The following TAF2 variants were observed in gnomAD, a reference collection of about 807,000 sequenced individuals.
The protein encoded by TAF2 is transcription initiation factor TFIID subunit 2.
In TAF2, 61 loss-of-function variants were observed where a neutral mutation model predicts 138.5. That is an observed-to-expected ratio of 0.44 (90% CI 0.36 to 0.54). The LOEUF is 0.54. Ranked by LOEUF, TAF2 falls within the 20% of genes least tolerant of loss-of-function variation. The pLI is 0.00. For synonymous variants in TAF2, 475 were observed against 469.9 expected (o/e 1.01, Z -0.14); for missense variants, 1,090 against 1,427.9 (o/e 0.76, Z 3.81).
At chr8:119,765,807 G>A (rs534841231) in intron 18 of TAF2, among the ~76,000 whole-genome samples, 2 of 152,120 alleles carry the variant, frequency 1.3e-5, no homozygotes, top group Non-Finnish European at 2.9e-5. Context: ...CATAACTGTC[G>A]GGATTCCTCT....
At chr8:119,758,786 A>G (rs1820867594) in intron 20 of TAF2, among the ~76,000 whole-genome samples, 1 of 152,148 alleles carries the variant, frequency 6.6e-6, no homozygotes, top group South Asian at 2.1e-4. Context: ...TTCTAACTTG[A>G]GTACCAGTAT....
chr8:119,809,789 T>C (rs1330562018), intron 3 of TAF2, among the ~76,000 whole-genome samples: 2 of 152,198 alleles, frequency 1.3e-5, no homozygotes, highest in African/African-American at 2.4e-5. Context: ...CTTATATGCA[T>C]GCCATCTGTG....
At position 119,832,744 on chromosome 8, in the gene TAF2, G is replaced by C. The variant is rs1826548157; in HGVS notation, c.-180C>G. ...CGCCTCAACCTCGCTCCTTCGACTA[G>C]CTCCTAGAAGCCGCCGTCGACAAGC... On this transcript the variant is annotated 5_prime_UTR_variant, in exon 1 of 26. Coordinates refer to ENST00000378164, the MANE Select transcript of TAF2 (RefSeq NM_003184.4). The C allele has an allele frequency of 1.3e-5, 7 of 520,088 alleles. No individual in the cohort carries two copies. In the South Asian group the frequency reaches 2.1e-4, roughly 15 times the overall value. The allele number at this position is 520,088 out of a possible 1,614,324, so 32.2% of individuals were successfully genotyped here.
intron 6 of TAF2, among the ~76,000 whole-genome samples, chr8:119,799,528 C>T (rs563491752): frequency 6.6e-6 from 1 of 152,268 alleles, no homozygotes; most frequent in Admixed American, 6.5e-5. Flanking sequence ...TGCATATGTG[C>T]CACATTTTCT....
rs115158592 is a variant in TAF2 at position 119,815,743 on chromosome 8, A to G, written c.299+3603T>C. On this transcript the variant is annotated intron_variant, in intron 3 of 25. Coordinates refer to ENST00000378164, the MANE Select transcript of TAF2 (RefSeq NM_003184.4). ...GAAGTACAGCAAAAACAAAAACACC[A>G]AAGTGTAGCTCCTGTGGAGACAATC... Among the ~76,000 whole-genome samples, 1,378 of 152,332 alleles carry G rather than the reference A, an allele frequency of 9.0e-3. 20 individuals carry two copies. Among genetic ancestry groups the G allele is most frequent in the African/African-American group, 0.032 (1,314 of 41,578 alleles).
Position 119,791,419 on chromosome 8 carries a change from T to C in TAF2, c.1318A>G (p.Thr440Ala), listed in dbSNP as rs1226030601. 1.9e-6 allele frequency: 3 copies of C among 1,613,804 alleles called. No individual in the cohort carries two copies. Among genetic ancestry groups the C allele is most frequent in the Non-Finnish European group, 1.7e-6 (2 of 1,179,838 alleles). The change falls in exon 11 of 26, where the codon ACA (threonine) becomes GCA (alanine). Residue 440 changes from threonine to alanine, a missense_variant. Physicochemically the swap from Thr to Ala is moderately conservative, Grantham distance 58. Coordinates refer to ENST00000378164, the MANE Select transcript of TAF2 (RefSeq NM_003184.4). ...HLHFSIKHPH[T>A]LSWEYYSMFQ... ...ATACTGTAGTATTCCCAGGACAGTG[T>C]ATGTGGATGCTTTATTGAAAAGTGT... is the stretch of plus-strand genomic sequence containing the variant.
At position 119,762,534 on chromosome 8, in the gene TAF2, A is replaced by G. The variant is rs769397888; in HGVS notation, c.2439T>C (p.Asn813=). 6.2e-6 allele frequency: 10 copies of G among 1,613,926 alleles called. No homozygotes were observed. Among genetic ancestry groups the G allele is most frequent in the Non-Finnish European group, 7.6e-6 (9 of 1,179,924 alleles). ...ANSVTPAVSV[N]NEVRTLDNLN... ...AGTTATCCAAAGTTCTAACTTCATT[A>G]TTCACACTGACTGCAGGTGTAACAG... is the stretch of plus-strand genomic sequence containing the variant. The change falls in exon 19 of 26, where the codon AAT becomes AAC. Residue 813 remains asparagine (N), a synonymous_variant. Coordinates refer to ENST00000378164, the MANE Select transcript of TAF2 (RefSeq NM_003184.4).
chr8:119,789,015 T>A, intron 12 of TAF2, 111 bp from the exon 13 acceptor site: 2 of 753,230 alleles, frequency 2.7e-6, no homozygotes, highest in South Asian at 1.5e-5. Context: ...CAGTTCAAAG[T>A]TTGAGAGCAT....
chr8:119,832,239 T>C (rs1011176674), intron 1 of TAF2, among the ~76,000 whole-genome samples: 1 of 151,528 alleles, frequency 6.6e-6, no homozygotes, highest in Non-Finnish European at 1.5e-5. Context: ...CGAAAACAGA[T>C]TTGACAGAAA....
Position 119,804,732 on chromosome 8 carries a change from C to T in TAF2, c.419-713G>A, listed in dbSNP as rs548179523. Reference sequence around the variant, plus strand: ...TATGTCTTTATCAGCAGCATGAAAACGGACTAATACACTTACTTTTCAAGT... The same window carrying T: ...TATGTCTTTATCAGCAGCATGAAAATGGACTAATACACTTACTTTTCAAGT... On this transcript the variant is annotated intron_variant, in intron 4 of 25. Transcript: ENST00000378164. Among the ~76,000 whole-genome samples, 8 of 152,244 alleles carry T rather than the reference C, an allele frequency of 5.3e-5. No homozygotes were observed. The South Asian group carries it at 6.2e-4, about 12-fold the overall frequency.
At chr8:119,739,622 C>A (rs907068701) in intron 25 of TAF2, among the ~76,000 whole-genome samples, 1 of 151,622 alleles carries the variant, frequency 6.6e-6, no homozygotes, top group Non-Finnish European at 1.5e-5. Context: ...CATTCCAGTT[C>A]TCAATTATCA....
At chr8:119,792,122 T>C (rs904452044) in intron 10 of TAF2, among the ~76,000 whole-genome samples, 1 of 151,604 alleles carries the variant, frequency 6.6e-6, no homozygotes, top group Non-Finnish European at 1.5e-5. Flanking sequence ...TTCTGTATGA[T>C]AAATGCCTAG....
intron 18 of TAF2, among the ~76,000 whole-genome samples, chr8:119,776,022 T>A (rs183038903): frequency 1.2e-3 from 175 of 151,718 alleles, no homozygotes; most frequent in Middle Eastern, 6.8e-3. Flanking sequence ...AAAAAGCACA[T>A]GCTTCCTAAA....
At chr8:119,828,065 A>G (rs921055882) in intron 2 of TAF2, among the ~76,000 whole-genome samples, 23 of 152,010 alleles carry the variant, frequency 1.5e-4, no homozygotes, top group Non-Finnish European at 1.5e-5. Flanking sequence ...TTTAGTAGAG[A>G]CAGGGTTTCA....
intron 23 of TAF2, among the ~76,000 whole-genome samples, chr8:119,745,795 A>ATGTGTGTGTGTG (rs58444614): frequency 7.7e-5 from 11 of 143,468 alleles, no homozygotes; most frequent in African/African-American, 1.3e-4. Flanking sequence ...AGGCAAACGA[A>ATGTGTGTGTGTG]TGTGTGTGTG....
intron 9 of TAF2, among the ~76,000 whole-genome samples, chr8:119,793,991 G>A (rs1317028184): frequency 2.0e-5 from 3 of 151,934 alleles, no homozygotes; most frequent in African/African-American, 7.3e-5. Context: ...TTCAGTAGCT[G>A]ATTATGGCTT....
chr8:119,819,211 T>C (rs1368716807), intron 3 of TAF2, 135 bp downstream of exon 3: 3 of 898,132 alleles, frequency 3.3e-6, no homozygotes, highest in South Asian at 1.6e-5. Context: ...TACAGAGTGG[T>C]AAAACAGATA....
chr8:119,826,642 G>GT (rs1235151470), intron 2 of TAF2, among the ~76,000 whole-genome samples: 1 of 151,460 alleles, frequency 6.6e-6, no homozygotes, highest in Non-Finnish European at 1.5e-5. Flanking sequence ...CCAGGCTGGA[G>GT]TGCAGCAGTG....
At chr8:119,824,428 CAAAAAAAA>C (rs71304910) in intron 2 of TAF2, among the ~76,000 whole-genome samples, 2 of 125,636 alleles carry the variant, frequency 1.6e-5, no homozygotes, top group Admixed American at 7.8e-5. Flanking sequence ...GACTCCGTCT[CAAAAAAAA>C]AAAAAAAGAA....
Sources: gnomAD v4.1 joint callset for allele counts (sites outside exome capture counted in the v4.1 genomes callset) on GRCh38, gnomAD v4.1.1 for gene constraint, MANE v1.5 for transcripts, NCBI Gene and HGNC (gene_info 2026-07-23, HGNC 2026-07-21) for gene names.